Variants in UBR1 observed in about 807,000 individuals in gnomAD.
UBR1 encodes ubiquitin protein ligase E3 component n-recognin 1, also known as E3 ubiquitin-protein ligase UBR1.
In UBR1, 102 loss-of-function variants were observed where a neutral mutation model predicts 242.1. That is an observed-to-expected ratio of 0.42 (90% CI 0.36 to 0.50). The LOEUF is 0.50. Ranked by LOEUF, UBR1 falls within the 20% of genes least tolerant of loss-of-function variation. The pLI is 0.01. For missense variants in UBR1, 1,772 were observed against 2,101.8 expected (o/e 0.84, Z 3.07); for synonymous variants, 675 against 684.8 (o/e 0.99, Z 0.22).
chr15:43,059,606 A>C (rs1567139575), intron 8 of UBR1, 96 bp downstream of exon 8: 5 of 1,420,130 alleles, frequency 3.5e-6, no homozygotes, highest in South Asian at 2.7e-5. Context: ...AAAAAAAAAG[A>C]AAAACTTTAT....
In UBR1 at chr15:43,054,843, T is replaced by C. The variant is rs377398601; in HGVS notation, c.1338A>G (p.Leu446=). ...TGTCCAAGTACTCAGGTAAAACTTCTAGCAGAGTTTCAGTAATGACAGAGA... is the reference window on the plus strand; with the variant it reads ...TGTCCAAGTACTCAGGTAAAACTTCCAGCAGAGTTTCAGTAATGACAGAGA... The part of the protein sequence containing the change: ...NVISVITETL[L]EVLPEYLDRN... Residue 446 remains leucine, a synonymous_variant, in exon 12 of 47, where the codon CTA becomes CTG. Coordinates refer to ENST00000290650, the MANE Select transcript of UBR1 (RefSeq NM_174916.3). 8.7e-6 allele frequency: 14 copies of C among 1,614,166 alleles called. No individual in the cohort carries two copies. Among genetic ancestry groups the C allele is most frequent in the East Asian group, 2.2e-5 (1 of 44,864 alleles).
intron 29 of UBR1, among the ~76,000 whole-genome samples, 192 bp from the exon 30 acceptor site, chr15:43,007,476 A>C (rs2032850605): frequency 6.6e-6 from 1 of 152,220 alleles, no homozygotes; most frequent in African/African-American, 2.4e-5. Context: ...TTATTACAAA[A>C]TACAAGTGTT....
intron 20 of UBR1, 137 bp downstream of exon 20, chr15:43,032,431 A>C: frequency 1.6e-6 from 1 of 620,476 alleles, no homozygotes; most frequent in Non-Finnish European, 2.8e-6. Context: ...AAAAATGTAA[A>C]ATCTGTGCTT....
Position 42,960,646 on chromosome 15 carries a change from T to G in UBR1, c.4756A>C (p.Arg1586=), listed in dbSNP as rs762134413. 1 of 1,614,024 alleles carries G rather than the reference T, an allele frequency of 6.2e-7. No homozygotes were observed. Among genetic ancestry groups the G allele is most frequent in the Admixed American group, 1.7e-5 (1 of 60,016 alleles). Residue 1586 remains arginine (R), a splice_region_variant and synonymous_variant, in exon 43 of 47, where the codon AGG becomes CGG. Transcript: ENST00000290650. The stretch of plus-strand genomic sequence containing the variant: ...AAAGGATTAAGTAGTAAAACCAACC[T>G]GACCACGGTGTTTTTTTGCTTCAAA... The part of the protein sequence containing the change: ...NCLKQKNTVV[R]YPRKRNSLIE...
At chr15:43,015,996 GTT>G in intron 28 of UBR1, 127 bp from the exon 29 acceptor site, 2 of 792,698 alleles carry the variant, frequency 2.5e-6, no homozygotes, top group Non-Finnish European at 4.1e-6. Context: ...CCTGGATTCA[GTT>G]TAATGTTTCA....
At chr15:43,054,347 T>A (rs2033591207) in intron 12 of UBR1, among the ~76,000 whole-genome samples, 1 of 150,638 alleles carries the variant, frequency 6.6e-6, no homozygotes. Flanking sequence ...CGAGACCCTG[T>A]CTCAAAAAAA....
chr15:43,102,155 G>T (rs1486560970), intron 1 of UBR1, among the ~76,000 whole-genome samples: 1 of 152,086 alleles, frequency 6.6e-6, no homozygotes, highest in East Asian at 1.9e-4. Context: ...TGAGGATGCA[G>T]ATATCATCTA....
chr15:43,092,656 C>A (rs981758781), intron 1 of UBR1, among the ~76,000 whole-genome samples: 2 of 152,070 alleles, frequency 1.3e-5, no homozygotes, highest in African/African-American at 4.8e-5. Context: ...TGGGTTCAAG[C>A]GATTCTCCTG....
Position 42,952,444 on chromosome 15 carries a change from G to A in UBR1, c.4840C>T (p.Pro1614Ser), listed in dbSNP as rs754090022. The A allele has an allele frequency of 1.2e-6, 2 of 1,614,022 alleles. No individual in the cohort carries two copies. The highest frequency in any genetic ancestry group is 2.2e-5 in the East Asian group (1 of 44,896). Reference sequence around the variant, plus strand: ...TTTCGCTCATCATCTGCAGACCGTGGGCACCTCAAAAGAGAAGAAAACATT... The same window carrying A: ...TTTCGCTCATCATCTGCAGACCGTGAGCACCTCAAAAGAGAAGAAAACATT... ...LLNQASHFRC[P>S]RSADDERKHP... is the part of the protein sequence containing the mutation. Residue 1614 changes from proline (P) to serine (S), a missense_variant, in exon 45 of 47, where the codon CCA becomes TCA. Physicochemically the swap from Pro to Ser is moderately conservative, Grantham distance 74 (BLOSUM62 -1). Coordinates refer to ENST00000290650, the MANE Select transcript of UBR1 (RefSeq NM_174916.3).
intron 19 of UBR1, among the ~76,000 whole-genome samples, chr15:43,033,549 G>A (rs2033286478): frequency 6.6e-6 from 1 of 152,168 alleles, no homozygotes; most frequent in Non-Finnish European, 1.5e-5. Context: ...TAATCCTCAG[G>A]AGGCTGAGGC....
At chr15:43,035,810 T>C (rs929436995) in intron 19 of UBR1, among the ~76,000 whole-genome samples, 2 of 151,512 alleles carry the variant, frequency 1.3e-5, no homozygotes, top group Admixed American at 1.3e-4. Flanking sequence ...TTGTATAAGG[T>C]GTAAGGAAGG....
intron 27 of UBR1, 92 bp from the exon 28 acceptor site, chr15:43,017,273 A>G (rs2033040204): frequency 1.2e-6 from 1 of 866,798 alleles, no homozygotes; most frequent in African/African-American, 1.7e-5. Flanking sequence ...TTGGCATCAT[A>G]TCTCCAAATG....
intron 46 of UBR1, among the ~76,000 whole-genome samples, chr15:42,949,950 T>C (rs2031802121): frequency 6.6e-6 from 1 of 150,998 alleles, no homozygotes; most frequent in Non-Finnish European, 1.5e-5. Flanking sequence ...GTGATTCTCC[T>C]ACCTCAGCCT....
intron 17 of UBR1, 74 bp downstream of exon 17, chr15:43,037,697 CAG>C: frequency 7.9e-7 from 1 of 1,266,434 alleles, no homozygotes; most frequent in Non-Finnish European, 1.1e-6. Flanking sequence ...TCTAGGAACA[CAG>C]GGTAAAATCA....
At chr15:43,005,625 C>G (rs1483700249) in intron 30 of UBR1, among the ~76,000 whole-genome samples, 1 of 152,164 alleles carries the variant, frequency 6.6e-6, no homozygotes, top group Non-Finnish European at 1.5e-5. Flanking sequence ...GCCATGATGA[C>G]GATGGCGGTT....
At chr15:42,966,358 C>T (rs1596078257) in intron 40 of UBR1, 72 bp from the exon 41 acceptor site, 1 of 1,570,624 alleles carries the variant, frequency 6.4e-7, no homozygotes, top group East Asian at 2.3e-5. Context: ...ACATATCCCC[C>T]TTTTCAAATA....
chr15:43,011,446 G>A (rs1387507554), intron 29 of UBR1, among the ~76,000 whole-genome samples: 1 of 152,142 alleles, frequency 6.6e-6, no homozygotes, highest in East Asian at 1.9e-4. Context: ...CAAGAGGAAA[G>A]CACCCAATAG....
chr15:43,025,407 C>T lies in UBR1; in HGVS notation c.2558G>A (p.Arg853Lys). 3 of 1,608,522 alleles carry T rather than the reference C, an allele frequency of 1.9e-6. No individual in the cohort carries two copies. Among genetic ancestry groups the T allele is most frequent in the Non-Finnish European group, 2.5e-6 (3 of 1,177,344 alleles). Reference protein sequence around the residue: ...HSKAEHMQKKRRKQENKDEAL... With the variant: ...HSKAEHMQKKKRKQENKDEAL... Reference sequence around the variant, plus strand: ...TTCATCTTTGTTTTCTTGTTTTCTCCTTTTCTTCTGCATATGTTCAGCCTA... The same window carrying T: ...TTCATCTTTGTTTTCTTGTTTTCTCTTTTTCTTCTGCATATGTTCAGCCTA... The change falls in exon 24 of 47, where the codon AGG becomes AAG. Residue 853 changes from arginine to lysine, a missense_variant. By Grantham distance (26) the Arg-to-Lys change is conservative. Around this residue, in one of 3 missense-constraint regions of UBR1, gnomAD observed 965 missense variants for 1,079.7 expected, o/e 0.89. Coordinates refer to ENST00000290650, the MANE Select transcript of UBR1 (RefSeq NM_174916.3).
At chr15:42,974,090 G>A (rs1215603930) in intron 39 of UBR1, among the ~76,000 whole-genome samples, 2 of 151,886 alleles carry the variant, frequency 1.3e-5, no homozygotes, top group South Asian at 2.1e-4. Flanking sequence ...GTGTTTCACC[G>A]TGTTAGCCAG....
Sources: allele counts gnomAD v4.1 joint callset (sites outside exome capture counted in the v4.1 genomes callset), GRCh38; gene constraint gnomAD v4.1.1; regional missense constraint gnomAD v4.1.1; transcripts MANE v1.5; gene names NCBI Gene and HGNC (gene_info 2026-07-23, HGNC 2026-07-21).